The following BIN1 variants were observed in gnomAD, a reference collection of about 807,000 sequenced individuals.
BIN1 encodes myc box-dependent-interacting protein 1.
A neutral mutation model predicts 82.0 loss-of-function variants in BIN1; 53 were observed. The observed-to-expected ratio is 0.65, with a 90% CI of 0.52 to 0.81. The LOEUF is 0.81. Ranked by LOEUF, BIN1 falls within the 40% of genes least tolerant of loss-of-function variation. BIN1 has a pLI of 0.00. For synonymous variants in BIN1, 302 were observed against 328.0 expected (o/e 0.92, Z 0.86); for missense variants, 642 against 784.4 (o/e 0.82, Z 2.17).
At chr2:127,050,716 A>C in intron 17 of BIN1, 86 bp downstream of exon 17, 1 of 1,506,922 alleles carries the variant, frequency 6.6e-7, no homozygotes, top group Non-Finnish European at 9.2e-7. Context: ...AACTTTGGGC[A>C]AACCACAGAG....
intron 1 of BIN1, among the ~76,000 whole-genome samples, chr2:127,105,986 C>T (rs1257992316): frequency 6.6e-6 from 1 of 152,258 alleles, no homozygotes; most frequent in East Asian, 1.9e-4. Context: ...CGGGTGCAGA[C>T]CCCCGCCCCT....
rs1181859964 is a variant in BIN1 at position 127,050,314 on chromosome 2, G to A, written c.1674+107C>T. 2.9e-5 allele frequency: 35 copies of A among 1,205,704 alleles called. No individual in the cohort carries two copies. In the East Asian group the frequency reaches 5.9e-4, roughly 20 times the overall value. The allele number at this position is 1,205,704 out of a possible 1,614,324, so 74.7% of individuals were successfully genotyped here. ...AGTTGGCGCGGGAGCCCTGGTGCTC[G>A]CGGGCCTCTGCTGCCCCCTGCTGGC... On this transcript the variant is annotated intron_variant, in intron 18 of 18. Coordinates refer to ENST00000316724, the MANE Select transcript of BIN1 (RefSeq NM_139343.3).
intron 1 of BIN1, among the ~76,000 whole-genome samples, chr2:127,081,648 G>T (rs1316852431): frequency 3.3e-5 from 5 of 152,184 alleles, no homozygotes; most frequent in Non-Finnish European, 5.9e-5. Flanking sequence ...TCCTGGCCAG[G>T]GCCAGGCAGA....
At chr2:127,086,597 T>A (rs530679153) in intron 1 of BIN1, among the ~76,000 whole-genome samples, 1 of 150,908 alleles carries the variant, frequency 6.6e-6, no homozygotes, top group Non-Finnish European at 1.5e-5. Context: ...AACCTCTGCC[T>A]CCCCGGTTCA....
intron 12 of BIN1, 84 bp from the exon 13 acceptor site, chr2:127,054,096 G>GGCACAC: frequency 8.7e-7 from 1 of 1,143,992 alleles, no homozygotes; most frequent in Non-Finnish European, 1.3e-6. Context: ...TGCAGGCACA[G>GGCACAC]GCACACGCGT....
Position 127,050,448 on chromosome 2 carries a change from CA to C in BIN1, c.1646del (p.Val549GlyfsTer18). 1 of 1,614,214 alleles carries C rather than the reference CA, an allele frequency of 6.2e-7. No individual in the cohort carries two copies. Among genetic ancestry groups the C allele is most frequent in the African/African-American group, 1.3e-5 (1 of 75,056 alleles). ...LQLKAGDVVL[V>X]IPFQNPEEQD... ...GCTCTTCAGGGTTCTGGAAGGGGAT[CA>C]CCAGCACCACATCACCAGCCTTGAG... On this transcript the variant is annotated frameshift_variant, in exon 18 of 19. Transcript: ENST00000316724. LOFTEE classifies it high-confidence loss of function.
chr2:127,068,084 T>C lies in BIN1; in HGVS notation c.612+79A>G. On this transcript the variant is annotated intron_variant, in intron 7 of 18. Transcript: ENST00000316724. The surrounding 1 kb of genome is among the most constrained non-coding windows in gnomAD (Gnocchi z 4.9). ...CCCAGCTGGGCTCAGATGCCAGCCC[T>C]GCATTCCACCGCAGGGCGAGAGGAC... The C allele has an allele frequency of 3.5e-6, 5 of 1,431,398 alleles. No individual in the cohort carries two copies. The highest frequency in any genetic ancestry group is 1.2e-5 in the South Asian group (1 of 82,754). The allele number at this position is 1,431,398 out of a possible 1,614,324, so 88.7% of individuals were successfully genotyped here.
In BIN1 at chr2:127,057,699, C is replaced by G; in HGVS notation, c.1003-98G>C. On this transcript the variant is annotated intron_variant, in intron 11 of 18. Transcript: ENST00000316724. The surrounding 1 kb of genome is among the most constrained non-coding windows in gnomAD (Gnocchi z 5.0). ...GAGACAAAGCCACGGTTAGTCACAC[C>G]TCAGGCCACAGTCCCACCCAGGCCA... The G allele has an allele frequency of 7.2e-7, 1 of 1,394,604 alleles. No individual in the cohort carries two copies. The highest frequency in any genetic ancestry group is 9.4e-7 in the Non-Finnish European group (1 of 1,062,958). 86.4% of individuals were successfully genotyped at this position (1,394,604 alleles called of 1,614,324 possible).
chr2:127,057,263 C>T lies in BIN1; in HGVS notation c.1131+210G>A, dbSNP rs1021594020. Among the ~76,000 whole-genome samples the T allele has an allele frequency of 6.6e-6, 1 of 152,230 alleles. No homozygotes were observed. The highest frequency in any genetic ancestry group is 1.5e-5 in the Non-Finnish European group (1 of 68,030). On this transcript the variant is annotated intron_variant, in intron 12 of 18. Transcript: ENST00000316724. This position sits in a 1 kb window ranked among gnomAD's most constrained non-coding sequence, Gnocchi z 5.0. The stretch of plus-strand genomic sequence containing the variant: ...GAGGCGGCACCTTCCCCTCTGTGGC[C>T]CTGCATCTGGCCTTAGTACATGCTC...
intron 1 of BIN1, among the ~76,000 whole-genome samples, chr2:127,099,626 G>C (rs981049058): frequency 6.6e-6 from 1 of 152,142 alleles, no homozygotes; most frequent in African/African-American, 2.4e-5. Flanking sequence ...CGATTCTCCT[G>C]CCTCAGCCTC....
Position 127,057,128 on chromosome 2 carries a change from GC to G in BIN1, c.1131+344del, listed in dbSNP as rs1683787237. Among the ~76,000 whole-genome samples the G allele has an allele frequency of 1.3e-5, 2 of 152,222 alleles. No individual in the cohort carries two copies. The highest frequency in any genetic ancestry group is 1.3e-4 in the Admixed American group (2 of 15,288). On this transcript the variant is annotated intron_variant, in intron 12 of 18. Coordinates refer to ENST00000316724, the MANE Select transcript of BIN1 (RefSeq NM_139343.3). The surrounding 1 kb of genome is among the most constrained non-coding windows in gnomAD (Gnocchi z 5.0). Reference sequence around the variant, plus strand: ...TTCCAGGACCTTCCAACTCTCCCTGGCCCTGGAAGCCTTCCCTGACAGCCAC... The same window carrying G: ...TTCCAGGACCTTCCAACTCTCCCTGGCCTGGAAGCCTTCCCTGACAGCCAC...
rs1684109615 is a variant in BIN1 at position 127,059,176 on chromosome 2, G to A, written c.858-21C>T. On this transcript the variant is annotated intron_variant, in intron 10 of 18. Transcript: ENST00000316724. The surrounding 1 kb of genome is among the most constrained non-coding windows in gnomAD (Gnocchi z 6.7). The stretch of plus-strand genomic sequence containing the variant: ...TGTCACTGTGGGGGAGGACAAGAAA[G>A]GGAGCCCAGTGTTGGGGGGCCAAGG... The A allele has an allele frequency of 1.3e-6, 2 of 1,561,626 alleles. No individual in the cohort carries two copies. Among genetic ancestry groups the A allele is most frequent in the Admixed American group, 1.9e-5 (1 of 52,298 alleles).
intron 1 of BIN1, among the ~76,000 whole-genome samples, chr2:127,077,316 CCACACA>C (rs10573582): frequency 9.3e-5 from 14 of 150,294 alleles, no homozygotes; most frequent in Admixed American, 9.3e-4. Context: ...TCTGCACAGC[CCACACA>C]CACACACACA....
At chr2:127,049,861 CAGG>C (rs1682653289) in intron 18 of BIN1, among the ~76,000 whole-genome samples, 1 of 152,222 alleles carries the variant, frequency 6.6e-6, no homozygotes, top group South Asian at 2.1e-4. Context: ...GAAGCCACAG[CAGG>C]AGGAGAAGGG....
chr2:127,084,370 G>A (rs530560826), intron 1 of BIN1, among the ~76,000 whole-genome samples: 18 of 152,330 alleles, frequency 1.2e-4, no homozygotes, highest in Non-Finnish European at 1.8e-4. Flanking sequence ...TTTTGCGTTC[G>A]TGATTCATTT....
chr2:127,106,730 G>C (rs1272822987), intron 1 of BIN1, 130 bp downstream of exon 1: 18 of 1,143,132 alleles, frequency 1.6e-5, no homozygotes, highest in Non-Finnish European at 1.9e-5. Context: ...CCTCGAAAGC[G>C]CTCCTCTAGA....
intron 2 of BIN1, among the ~76,000 whole-genome samples, chr2:127,071,228 G>A (rs368634484): frequency 7.9e-5 from 12 of 152,332 alleles, no homozygotes; most frequent in African/African-American, 2.6e-4. Flanking sequence ...TATGGGCAAG[G>A]CAGGTGTGGT....
chr2:127,099,553 C>T (rs1468551627), intron 1 of BIN1, among the ~76,000 whole-genome samples: 2 of 152,346 alleles, frequency 1.3e-5, no homozygotes, highest in South Asian at 2.1e-4. Flanking sequence ...CTCACTCTGT[C>T]ACCAGGCTGG....
Position 127,059,042 on chromosome 2 carries a change from G to A in BIN1, c.971C>T (p.Pro324Leu). The A allele has an allele frequency of 6.4e-7, 1 of 1,566,602 alleles. No homozygotes were observed. The highest frequency in any genetic ancestry group is 8.7e-7 in the Non-Finnish European group (1 of 1,155,546). Reference sequence around the variant, plus strand: ...TGGGGACTTGGGGAGGGTGGCCCCGGGCGTGGCCCCGCCGGCCGGCTCTGG... The same window carrying A: ...TGGGGACTTGGGGAGGGTGGCCCCGAGCGTGGCCCCGCCGGCCGGCTCTGG... ...HEPEPAGGATPGATLPKSPSQ... is the reference protein window; with the variant it reads ...HEPEPAGGATLGATLPKSPSQ... Residue 324 changes from proline to leucine, a missense_variant, in exon 11 of 19, where the codon CCC (proline) becomes CTC (leucine). Physicochemically the swap from Pro to Leu is moderately conservative, Grantham distance 98. Coordinates refer to ENST00000316724, the MANE Select transcript of BIN1 (RefSeq NM_139343.3). The surrounding 1 kb of genome is among the most constrained non-coding windows in gnomAD (Gnocchi z 6.7).
Sources: allele counts gnomAD v4.1 joint callset (sites outside exome capture counted in the v4.1 genomes callset), GRCh38; gene constraint gnomAD v4.1.1; non-coding constraint Gnocchi (gnomAD v3.1); transcripts MANE v1.5; gene names NCBI Gene and HGNC (gene_info 2026-07-23, HGNC 2026-07-21).